Variants in TENM3 observed in about 807,000 individuals in gnomAD.
TENM3 encodes the protein teneurin-3.
TENM3 carries 63 observed loss-of-function variants against 255.1 expected under a neutral mutation model. The observed-to-expected ratio is 0.25, with a 90% confidence interval of 0.20 to 0.30. The LOEUF is 0.30. Among genes scored for constraint, TENM3 ranks in the 10% least tolerant of loss-of-function variants. The pLI is 1.00. For missense variants in TENM3, 2,929 were observed against 3,461.1 expected (o/e 0.85, Z 3.86); for synonymous variants, 1,306 against 1,322.3 (o/e 0.99, Z 0.27).
the TENM3 span, among the ~76,000 whole-genome samples, chr4:181,709,508 A>G: frequency 2.0e-5 from 3 of 152,246 alleles, no homozygotes; most frequent in African/African-American, 4.8e-5. Flanking sequence ...GTGAACAACG[A>G]CTGAGTAATG....
At position 182,792,009 on chromosome 4, in the gene TENM3, G is replaced by T. The variant is rs1010094630; in HGVS notation, c.5602-265G>T. On this transcript the variant is annotated intron_variant, in intron 25 of 27. Coordinates refer to ENST00000511685, the MANE Select transcript of TENM3 (RefSeq NM_001080477.4). This position sits in a 1 kb window ranked among gnomAD's most constrained non-coding sequence, Gnocchi z 6.3. ...GATCCATTGACAAATCTGCTGGTTGGCTATGAATGTCTGGGAAAATAATGG... is the reference window on the plus strand; with the variant it reads ...GATCCATTGACAAATCTGCTGGTTGTCTATGAATGTCTGGGAAAATAATGG... Among the ~76,000 whole-genome samples, 2 of 152,098 alleles carry T rather than the reference G, an allele frequency of 1.3e-5. No individual in the cohort carries two copies. The highest frequency in any genetic ancestry group is 4.8e-5 in the African/African-American group (2 of 41,400).
At chr4:182,118,607 AT>A in the TENM3 span, among the ~76,000 whole-genome samples, 142,667 of 151,816 alleles carry the variant, frequency 0.94, 67,363 homozygotes, top group Non-Finnish European at 0.99. Context: ...TTTTTTGTAG[AT>A]TTTTTAAGAA....
chr4:182,422,801 C>T (rs1468701943), intron 3 of TENM3, among the ~76,000 whole-genome samples: 1 of 152,054 alleles, frequency 6.6e-6, no homozygotes, highest in Non-Finnish European at 1.5e-5. Flanking sequence ...TTTCAGACAC[C>T]CTTGTAAGCA....
the TENM3 span, among the ~76,000 whole-genome samples, chr4:181,645,774 C>T: frequency 6.6e-6 from 1 of 152,122 alleles, no homozygotes; most frequent in Non-Finnish European, 1.5e-5. Flanking sequence ...CAAGGTGATA[C>T]CCATCTTTTT....
intron 3 of TENM3, among the ~76,000 whole-genome samples, chr4:182,488,455 C>T (rs1734965209): frequency 6.9e-6 from 1 of 143,918 alleles, no homozygotes; most frequent in Admixed American, 7.0e-5. Flanking sequence ...GCTAAGTTAT[C>T]TATATAATTT....
chr4:181,613,491 C>A, the TENM3 span, among the ~76,000 whole-genome samples: 3 of 152,282 alleles, frequency 2.0e-5, no homozygotes, highest in East Asian at 1.9e-4. Context: ...AGTATGCCTG[C>A]CCTCAGCTCT....
At chr4:182,044,337 G>A in the TENM3 span, among the ~76,000 whole-genome samples, 1 of 152,200 alleles carries the variant, frequency 6.6e-6, no homozygotes, top group Non-Finnish European at 1.5e-5. Context: ...GAGTGTGCCT[G>A]TCCTGATTTA....
At chr4:181,767,639 C>T in the TENM3 span, among the ~76,000 whole-genome samples, 82 of 152,146 alleles carry the variant, frequency 5.4e-4, no homozygotes, top group South Asian at 2.5e-3. Flanking sequence ...GAGTCTTACT[C>T]AGTAGGTCTA....
intron 3 of TENM3, among the ~76,000 whole-genome samples, chr4:182,459,771 T>C (rs1774190774): frequency 6.6e-6 from 1 of 152,160 alleles, no homozygotes. Flanking sequence ...TATTTATCTA[T>C]TAATATTAGT....
intron 3 of TENM3, among the ~76,000 whole-genome samples, chr4:182,418,684 C>G (rs1421318711): frequency 6.6e-6 from 1 of 152,204 alleles, no homozygotes; most frequent in Non-Finnish European, 1.5e-5. Context: ...ACCTCAGCCT[C>G]CCACGCAGCT....
chr4:181,905,614 A>C, the TENM3 span, among the ~76,000 whole-genome samples: 3 of 152,002 alleles, frequency 2.0e-5, no homozygotes, highest in African/African-American at 7.3e-5. Context: ...TTAGATAGCA[A>C]ATAGAAATGT....
chr4:182,376,297 A>G (rs1327293201), intron 3 of TENM3, among the ~76,000 whole-genome samples: 1 of 152,146 alleles, frequency 6.6e-6, no homozygotes, highest in African/African-American at 2.4e-5. Flanking sequence ...TTGCTAATGT[A>G]AGCCCATAAT....
intron 3 of TENM3, among the ~76,000 whole-genome samples, chr4:182,560,229 C>T (rs1743018363): frequency 6.6e-6 from 1 of 151,880 alleles, no homozygotes; most frequent in African/African-American, 2.4e-5. Flanking sequence ...CAAACACACA[C>T]CCCCACATAA....
the TENM3 span, among the ~76,000 whole-genome samples, chr4:181,521,671 G>A: frequency 6.6e-6 from 1 of 152,092 alleles, no homozygotes; most frequent in Admixed American, 6.5e-5. Context: ...ATAAATACAA[G>A]CTACTCCCTC....
At chr4:181,854,950 G>A in the TENM3 span, among the ~76,000 whole-genome samples, 5 of 152,206 alleles carry the variant, frequency 3.3e-5, no homozygotes, top group Admixed American at 1.3e-4. Flanking sequence ...TTTTTTTAAG[G>A]CCGTGTTTTC....
chr4:181,516,795 T>C, the TENM3 span, among the ~76,000 whole-genome samples: 1 of 151,880 alleles, frequency 6.6e-6, no homozygotes, highest in Non-Finnish European at 1.5e-5. Context: ...AAAAAGTCAC[T>C]AATATTTATG....
intron 3 of TENM3, among the ~76,000 whole-genome samples, chr4:182,381,780 C>T (rs568849387): frequency 1.3e-5 from 2 of 152,144 alleles, no homozygotes; most frequent in East Asian, 1.9e-4. Context: ...AGGCTGGTCT[C>T]GAACTCCCGA....
At chr4:181,562,164 T>A in the TENM3 span, among the ~76,000 whole-genome samples, 1 of 152,316 alleles carries the variant, frequency 6.6e-6, no homozygotes, top group East Asian at 1.9e-4. Flanking sequence ...GTTTCTTTGT[T>A]TTGATATGCA....
the TENM3 span, among the ~76,000 whole-genome samples, chr4:181,740,841 G>C: frequency 2.0e-5 from 3 of 152,120 alleles, no homozygotes; most frequent in African/African-American, 7.2e-5. Context: ...TCCACACATT[G>C]CCCTCTTTCC....
Sources: gnomAD v4.1 joint callset for allele counts (sites outside exome capture counted in the v4.1 genomes callset) on GRCh38, gnomAD v4.1.1 for gene constraint, Gnocchi (gnomAD v3.1) non-coding constraint, MANE v1.5 for transcripts, NCBI Gene and HGNC (gene_info 2026-07-23, HGNC 2026-07-21) for gene names.